The following DNAJC5B variants were observed in gnomAD, a reference collection of about 807,000 sequenced individuals.
DNAJC5B encodes the protein DnaJ heat shock protein family (Hsp40) member C5 beta.
In DNAJC5B, 23 loss-of-function variants were observed where a neutral mutation model predicts 24.7. The observed-to-expected ratio is 0.93, with a 90% CI of 0.67 to 1.32. The LOEUF (loss-of-function observed/expected upper bound fraction) is 1.32, where lower values mean the gene tolerates loss of function less well. Ranked by LOEUF, DNAJC5B falls within the 40% of genes most tolerant of loss-of-function variation. The pLI is 0.00. For missense variants in DNAJC5B, 238 were observed against 240.8 expected (o/e 0.99, Z 0.08); for synonymous variants, 101 against 90.1 (o/e 1.12, Z -0.68).
intron 1 of DNAJC5B, among the ~76,000 whole-genome samples, chr8:66,028,236 C>T (rs76437827): frequency 0.055 from 8,411 of 152,248 alleles, 342 homozygotes; most frequent in Middle Eastern, 0.11. Context: ...ATTTTGGCCC[C>T]GGCACAACCG....
At chr8:66,037,531 G>A (rs956103107) in intron 1 of DNAJC5B, among the ~76,000 whole-genome samples, 3 of 152,140 alleles carry the variant, frequency 2.0e-5, no homozygotes, top group East Asian at 1.9e-4. Context: ...GGCCCCAAGA[G>A]GGTGTGTGTA....
chr8:66,017,085 T>C (rs1180111651), upstream of DNAJC5B, among the ~76,000 whole-genome samples: 1 of 152,130 alleles, frequency 6.6e-6, no homozygotes, highest in Non-Finnish European at 1.5e-5. Flanking sequence ...AGGGCAGGCA[T>C]TGGTCTTATA....
At chr8:66,036,999 C>T (rs1458395731) in intron 1 of DNAJC5B, among the ~76,000 whole-genome samples, 3 of 152,196 alleles carry the variant, frequency 2.0e-5, no homozygotes, top group African/African-American at 7.2e-5. Context: ...GCCAGAGCTA[C>T]CTCGTGCAGG....
At chr8:66,058,848 T>C (rs1376308442) in intron 3 of DNAJC5B, among the ~76,000 whole-genome samples, 1 of 152,146 alleles carries the variant, frequency 6.6e-6, no homozygotes, top group Non-Finnish European at 1.5e-5. Flanking sequence ...TGCCAATCCA[T>C]CAGGTATTGA....
intron 3 of DNAJC5B, among the ~76,000 whole-genome samples, chr8:66,064,377 C>T (rs776217523): frequency 6.6e-6 from 1 of 152,122 alleles, no homozygotes. Context: ...AGCCAGAAGC[C>T]GGCAGGAGGA....
At position 66,101,032 on chromosome 8, in the gene DNAJC5B, C is replaced by T. The variant is rs758716563; in HGVS notation, c.*1001C>T. On this transcript the variant is annotated 3_prime_UTR_variant, in exon 6 of 6. Transcript: ENST00000276570. The stretch of plus-strand genomic sequence containing the variant: ...AAAATACTATGGCAGAAAAAGTGTT[C>T]GTTTTTCTAGCTCTTTCTTACTTTT... Among the ~76,000 whole-genome samples the T allele has an allele frequency of 2.0e-5, 3 of 152,080 alleles. No homozygotes were observed. Among genetic ancestry groups the T allele is most frequent in the Non-Finnish European group, 4.4e-5 (3 of 68,012 alleles).
At chr8:66,048,040 G>A (rs1167351155) in intron 2 of DNAJC5B, among the ~76,000 whole-genome samples, 1 of 152,130 alleles carries the variant, frequency 6.6e-6, no homozygotes, top group Non-Finnish European at 1.5e-5. Flanking sequence ...ATTAGCATTA[G>A]TCCACACCAT....
intron 4 of DNAJC5B, 66 bp from the exon 5 acceptor site, chr8:66,080,311 T>C (rs1466147563): frequency 5.1e-6 from 8 of 1,563,300 alleles, no homozygotes; most frequent in Non-Finnish European, 5.2e-6. Context: ...ACAGACTTGA[T>C]TTCATGGGTT....
intron 3 of DNAJC5B, among the ~76,000 whole-genome samples, chr8:66,052,974 G>C (rs1203878668): frequency 6.6e-6 from 1 of 152,040 alleles, no homozygotes; most frequent in Non-Finnish European, 1.5e-5. Context: ...GGAGTGCAGT[G>C]GTCTGATCAT....
chr8:66,035,179 T>A (rs774817974), intron 1 of DNAJC5B, among the ~76,000 whole-genome samples: 1 of 152,188 alleles, frequency 6.6e-6, no homozygotes, highest in African/African-American at 2.4e-5. Context: ...AGGGCTTCCC[T>A]CCAATAATGC....
At chr8:66,097,116 G>A (rs896884088) in intron 5 of DNAJC5B, among the ~76,000 whole-genome samples, 7 of 151,714 alleles carry the variant, frequency 4.6e-5, no homozygotes, top group African/African-American at 1.5e-4. Context: ...TGCTGGACAT[G>A]TAATAAGATA....
At chr8:66,099,872 C>A in intron 5 of DNAJC5B, 65 bp from the exon 6 acceptor site, 1 of 1,431,126 alleles carries the variant, frequency 7.0e-7, no homozygotes, top group Non-Finnish European at 9.7e-7. Context: ...ATACCTATCA[C>A]TTGCTTCATT....
upstream of DNAJC5B, among the ~76,000 whole-genome samples, chr8:66,017,622 C>G (rs1805988610): frequency 6.6e-6 from 1 of 152,218 alleles, no homozygotes; most frequent in South Asian, 2.1e-4. Flanking sequence ...ATTAAAATCT[C>G]TAGCACTTAG....
At chr8:66,087,553 T>C (rs1807754957) in intron 5 of DNAJC5B, among the ~76,000 whole-genome samples, 1 of 152,182 alleles carries the variant, frequency 6.6e-6, no homozygotes, top group Non-Finnish European at 1.5e-5. Context: ...ACAAGGCACA[T>C]CCCTTCTACC....
intron 2 of DNAJC5B, among the ~76,000 whole-genome samples, chr8:66,046,178 T>G (rs1806719322): frequency 6.6e-6 from 1 of 152,196 alleles, no homozygotes; most frequent in Non-Finnish European, 1.5e-5. Flanking sequence ...CTGGGCTCCC[T>G]GCAGAAGTTC....
At chr8:66,036,121 C>T (rs1806478695) in intron 1 of DNAJC5B, among the ~76,000 whole-genome samples, 1 of 152,164 alleles carries the variant, frequency 6.6e-6, no homozygotes, top group Non-Finnish European at 1.5e-5. Context: ...CCAAGGAAAA[C>T]CTGGCTGAGA....
rs180982355 is a variant in DNAJC5B at position 66,099,686 on chromosome 8, T to C, written c.506-251T>C. Among the ~76,000 whole-genome samples the C allele has an allele frequency of 1.2e-4, 19 of 152,354 alleles. No homozygotes were observed. In the East Asian group the frequency reaches 2.3e-3, roughly 19 times the overall value. On this transcript the variant is annotated intron_variant, in intron 5 of 5. Coordinates refer to ENST00000276570, the MANE Select transcript of DNAJC5B (RefSeq NM_033105.6). ...AAACTAAAGTTCAAGTTCACCAGGT[T>C]CAGCAAGTGCCCTCCAGGTGAAAGC... is the stretch of plus-strand genomic sequence containing the variant.
At chr8:66,053,923 C>G (rs1806908410) in intron 3 of DNAJC5B, among the ~76,000 whole-genome samples, 1 of 148,712 alleles carries the variant, frequency 6.7e-6, no homozygotes, top group African/African-American at 2.5e-5. Flanking sequence ...GCCACCGTGC[C>G]TGGCCTACTA....
upstream of DNAJC5B, among the ~76,000 whole-genome samples, chr8:66,018,434 G>T (rs1484952758): frequency 6.6e-6 from 1 of 152,114 alleles, no homozygotes; most frequent in African/African-American, 2.4e-5. Context: ...GCAGAGAATT[G>T]CTTGAACCCG....
Sources: allele counts gnomAD v4.1 joint callset (sites outside exome capture counted in the v4.1 genomes callset), GRCh38; gene constraint gnomAD v4.1.1; transcripts MANE v1.5; gene names NCBI Gene and HGNC (gene_info 2026-07-23, HGNC 2026-07-21).